Variants in COX17 observed in about 807,000 individuals in gnomAD.
The protein encoded by COX17 is cytochrome c oxidase copper chaperone COX17.
Under a neutral mutation model 6.3 loss-of-function variants are expected in COX17, and 1 was observed. The observed-to-expected ratio is 0.16, with a 90% CI of 0.06 to 0.75. The LOEUF is 0.75. COX17 is among the 30% of genes least tolerant of loss of function. The pLI, the probability that COX17 is intolerant of heterozygous loss-of-function variation, is 0.77. For synonymous variants in COX17, 26 were observed against 30.5 expected (o/e 0.85, Z 0.49); for missense variants, 73 against 81.2 (o/e 0.90, Z 0.39).
In COX17 at chr3:119,672,385, TATAAC is replaced by T. The variant is rs1447840619; in HGVS notation, c.*5-2725_*5-2721del. Among the ~76,000 whole-genome samples, 3 of 152,366 alleles carry T rather than the reference TATAAC, an allele frequency of 2.0e-5. No homozygotes were observed. In the East Asian group the frequency reaches 5.8e-4, roughly 29 times the overall value. The stretch of plus-strand genomic sequence containing the variant: ...ATGATACTTTTGAATATATGCCACT[TATAAC>T]AATTGTACCACCTTTGTGGTTCAGA... On this transcript the variant is annotated intron_variant, in intron 2 of 2. Coordinates refer to ENST00000261070, the MANE Select transcript of COX17 (RefSeq NM_005694.2).
chr3:119,671,565 G>T (rs942552452), intron 2 of COX17, among the ~76,000 whole-genome samples: 1 of 152,190 alleles, frequency 6.6e-6, no homozygotes, highest in East Asian at 1.9e-4. Context: ...AATGCAGACA[G>T]TTGTGTTGGA....
At chr3:119,667,688 TACACACACACACACACACACACACAC>T (rs58875404), downstream of COX17, among the ~76,000 whole-genome samples, 1 of 136,872 alleles carries the variant, frequency 7.3e-6, no homozygotes, top group East Asian at 2.1e-4. Context: ...GTAAAAGGTG[TACACACACACACACACACACACACAC>T]ACACACACAC....
At chr3:119,676,563 CTGAT>C (rs1316080769) in intron 1 of COX17, among the ~76,000 whole-genome samples, 5 of 152,184 alleles carry the variant, frequency 3.3e-5, no homozygotes, top group Non-Finnish European at 5.9e-5. Flanking sequence ...GCGTCGTAGA[CTGAT>C]TGATTTTCAA....
intron 2 of COX17, among the ~76,000 whole-genome samples, chr3:119,670,553 G>A: frequency 6.6e-6 from 1 of 152,130 alleles, no homozygotes. Flanking sequence ...CATAACAAAA[G>A]GGGCTGTGTG....
In COX17 at chr3:119,672,916, A is replaced by G. The variant is rs146654192; in HGVS notation, c.*4+2229T>C. ...CAGCCTAGACTGTTTTCCATTACAC[A>G]GTAACTTCTTATCAGCTTGCGACAA... On this transcript the variant is annotated intron_variant, in intron 2 of 2. Coordinates refer to ENST00000261070, the MANE Select transcript of COX17 (RefSeq NM_005694.2). 5.3e-4 allele frequency among the ~76,000 whole-genome samples: 81 copies of G among 152,368 alleles called. No individual in the cohort carries two copies. The East Asian group carries it at 0.015, about 28-fold the overall frequency.
At chr3:119,668,269 C>T (rs925181555), downstream of COX17, among the ~76,000 whole-genome samples, 4 of 151,974 alleles carry the variant, frequency 2.6e-5, no homozygotes, top group Non-Finnish European at 4.4e-5. Context: ...AGTTCCAGGA[C>T]ATATTCAAGC....
downstream of COX17, among the ~76,000 whole-genome samples, chr3:119,668,102 T>C (rs563835586): frequency 1.3e-5 from 2 of 152,188 alleles, no homozygotes; most frequent in Admixed American, 1.3e-4. Flanking sequence ...GGGCAAAACA[T>C]GATAATGTTA....
intron 1 of COX17, chr3:119,676,603 A>G: frequency 4.8e-6 from 2 of 418,654 alleles, no homozygotes; most frequent in South Asian, 2.6e-5. Flanking sequence ...AAAGGGTTGA[A>G]GCGTAACTCT....
chr3:119,667,675 A>T (rs1208412363), downstream of COX17, among the ~76,000 whole-genome samples: 3 of 141,746 alleles, frequency 2.1e-5, no homozygotes, highest in Non-Finnish European at 4.6e-5. Flanking sequence ...AAAAAAAAAG[A>T]AAGTAAAAGG....
chr3:119,667,374 T>C (rs2053001915), downstream of COX17, among the ~76,000 whole-genome samples: 1 of 152,240 alleles, frequency 6.6e-6, no homozygotes, highest in East Asian at 1.9e-4. Context: ...TACTTTTAAG[T>C]GTTGCAGAGG....
intron 1 of COX17, 108 bp downstream of exon 1, chr3:119,677,096 G>A (rs567442873): frequency 8.8e-6 from 7 of 799,918 alleles, no homozygotes; most frequent in Middle Eastern, 3.3e-4. Flanking sequence ...AGAAGGCAGA[G>A]GGCAGAGGGC....
At chr3:119,669,792 C>T (rs1390182264) in intron 2 of COX17, 127 bp from the exon 3 acceptor site, 1 of 151,996 alleles carries the variant, frequency 6.6e-6, no homozygotes, top group African/African-American at 2.4e-5. Context: ...CAGAATTATT[C>T]CAAATCAGTC....
At chr3:119,665,427 T>C (rs2052985271), downstream of COX17, 1 of 152,312 alleles carries the variant, frequency 6.6e-6, no homozygotes, top group African/African-American at 2.4e-5. Context: ...CAGGCTGGAA[T>C]GCAGCGGCAC....
downstream of COX17, among the ~76,000 whole-genome samples, chr3:119,667,688 TACACACACACACACACACACACAC>T (rs58875404): frequency 5.1e-5 from 7 of 136,822 alleles, no homozygotes; most frequent in African/African-American, 1.1e-4. Flanking sequence ...GTAAAAGGTG[TACACACACACACACACACACACAC>T]ACACACACAC....
chr3:119,674,163 G>A (rs6786295), intron 2 of COX17, among the ~76,000 whole-genome samples: 30,429 of 151,028 alleles, frequency 0.2, 3,269 homozygotes, highest in South Asian at 0.36. Flanking sequence ...AGTGTGGAGC[G>A]TCTCTGCCCA....
intron 1 of COX17, chr3:119,676,972 A>C: frequency 1.6e-6 from 1 of 623,870 alleles, no homozygotes; most frequent in Non-Finnish European, 2.9e-6. Context: ...GAAACCTACA[A>C]GGCCCAATAA....
chr3:119,677,197 C>G lies in COX17; in HGVS notation c.107+7G>C. 6.2e-7 allele frequency: 1 copy of G among 1,606,994 alleles called. No individual in the cohort carries two copies. Among genetic ancestry groups the G allele is most frequent in the East Asian group, 2.2e-5 (1 of 44,648 alleles). On this transcript the variant is annotated splice_region_variant and intron_variant, in intron 1 of 2. Transcript: ENST00000261070. ...GTCGGCCGCGCCCTCTCCGGCTGCG[C>G]ACTGACCACGCATCGCGCGCCTTCT... is the stretch of plus-strand genomic sequence containing the variant.
downstream of COX17, among the ~76,000 whole-genome samples, chr3:119,666,657 C>T (rs1460696939): frequency 6.6e-6 from 1 of 152,150 alleles, no homozygotes; most frequent in East Asian, 1.9e-4. Context: ...AGACTATAAG[C>T]TCTTTGAGGG....
downstream of COX17, among the ~76,000 whole-genome samples, chr3:119,666,296 G>A (rs1325469113): frequency 1.3e-5 from 2 of 152,118 alleles, no homozygotes; most frequent in Non-Finnish European, 2.9e-5. Flanking sequence ...CTCTTCCGCT[G>A]GACTTTAACA....
Sources: allele counts gnomAD v4.1 joint callset (sites outside exome capture counted in the v4.1 genomes callset), GRCh38; gene constraint gnomAD v4.1.1; transcripts MANE v1.5; gene names NCBI Gene and HGNC (gene_info 2026-07-23, HGNC 2026-07-21).